TRPM2: variants seen among roughly 807,000 people sequenced by gnomAD.
TRPM2 encodes the protein estrogen-responsive element-associated gene 1 protein.
In TRPM2, 161 loss-of-function variants were observed where a neutral mutation model predicts 174.0. The observed-to-expected ratio is 0.93, with a 90% CI of 0.81 to 1.05. TRPM2 has a LOEUF of 1.05. Ranked by LOEUF, TRPM2 falls within the 50% of genes least tolerant of loss-of-function variation. The pLI is 0.00. For missense variants in TRPM2, 2,057 were observed against 2,038.0 expected, an observed-to-expected ratio of 1.01 and a Z score of -0.18; for synonymous variants, 954 against 861.3, an observed-to-expected ratio of 1.11 and a Z score of -1.88.
chr21:44,406,583 C>G lies in TRPM2; in HGVS notation c.2791-11C>G. On this transcript the variant is annotated splice_polypyrimidine_tract_variant and intron_variant, in intron 18 of 31. Transcript: ENST00000397928. ...CAGGAGAGTGTAGCCCACACACTCT[C>G]TGTCCTGCAGATGAAGGACGTCTTC... 2.5e-6 allele frequency: 4 copies of G among 1,605,684 alleles called. No individual in the cohort carries two copies. The highest frequency in any genetic ancestry group is 2.2e-5 in the South Asian group (2 of 90,726).
chr21:44,371,004 C>T (rs1422159365), intron 5 of TRPM2, among the ~76,000 whole-genome samples: 1 of 152,246 alleles, frequency 6.6e-6, no homozygotes, highest in African/African-American at 2.4e-5. Flanking sequence ...TCTCCCGGGG[C>T]TGCTGTAACC....
At chr21:44,429,832 G>A (rs1196969551) in intron 27 of TRPM2, among the ~76,000 whole-genome samples, 2 of 151,994 alleles carry the variant, frequency 1.3e-5, no homozygotes, top group African/African-American at 2.4e-5. Flanking sequence ...GTGTAATTTA[G>A]AATATTGGTA....
intron 31 of TRPM2, 95 bp from the exon 32 acceptor site, chr21:44,441,597 G>A (rs527720687): frequency 1.4e-6 from 2 of 1,432,496 alleles, no homozygotes; most frequent in African/African-American, 1.4e-5. Context: ...GGGAGGGTGT[G>A]CAGGCCCCAA....
At chr21:44,389,160 C>T (rs1467316410) in intron 9 of TRPM2, among the ~76,000 whole-genome samples, 1 of 152,188 alleles carries the variant, frequency 6.6e-6, no homozygotes, top group Non-Finnish European at 1.5e-5. Context: ...TAGAACTTCA[C>T]GTGAATGAAA....
intron 8 of TRPM2, among the ~76,000 whole-genome samples, chr21:44,382,366 A>G (rs566953157): frequency 6.6e-6 from 1 of 152,272 alleles, no homozygotes; most frequent in Admixed American, 6.5e-5. Flanking sequence ...CAGACAGATA[A>G]ATAAGTAGAC....
chr21:44,436,664 C>T (rs1430967661), intron 28 of TRPM2, among the ~76,000 whole-genome samples: 2 of 147,928 alleles, frequency 1.4e-5, no homozygotes, highest in Middle Eastern at 3.3e-3. Flanking sequence ...CCACATCACC[C>T]CCAGGCTGCA....
chr21:44,399,349 A>G lies in TRPM2; in HGVS notation c.2116A>G (p.Thr706Ala). Residue 706 changes from threonine to alanine, a missense_variant, in exon 14 of 32, where the codon ACC becomes GCC. Transcript: ENST00000397928. This position sits in a 1 kb window ranked among gnomAD's most constrained non-coding sequence, Gnocchi z 4.6. ...CGAAGAGAGAGCCCAGAAACTGCTCACCCGCGTGTCCGAGGCCTGGGGGAA... is the reference window on the plus strand; with the variant it reads ...CGAAGAGAGAGCCCAGAAACTGCTCGCCCGCGTGTCCGAGGCCTGGGGGAA... ...KDEERAQKLLTRVSEAWGKTT... is the reference protein window; with the variant it reads ...KDEERAQKLLARVSEAWGKTT... The G allele has an allele frequency of 1.2e-6, 2 of 1,612,552 alleles. No individual in the cohort carries two copies. Among genetic ancestry groups the G allele is most frequent in the Non-Finnish European group, 8.5e-7 (1 of 1,179,838 alleles).
chr21:44,428,556 A>T (rs1452825093), intron 27 of TRPM2, among the ~76,000 whole-genome samples: 2 of 128,638 alleles, frequency 1.6e-5, no homozygotes, highest in East Asian at 2.4e-4. Context: ...TCCTCCCCTT[A>T]GGTGTGGCTC....
At chr21:44,428,423 C>T (rs910014634) in intron 27 of TRPM2, among the ~76,000 whole-genome samples, 8 of 135,692 alleles carry the variant, frequency 5.9e-5, no homozygotes, top group African/African-American at 2.0e-4. Flanking sequence ...GGCTCCTCCC[C>T]TTAGGTGTGG....
rs779298093 is a variant in TRPM2, at chr21:44,400,260, C to A, written c.2210C>A (p.Ala737Asp). The A allele has an allele frequency of 6.2e-7, 1 of 1,611,786 alleles. No individual in the cohort carries two copies. Residue 737 changes from alanine to aspartate, a missense_variant and splice_region_variant, in exon 15 of 32, where the codon GCC becomes GAC. By Grantham distance (126) the Ala-to-Asp change is moderately radical. Transcript: ENST00000397928. Reference protein sequence around the residue: ...MKFVSHGGIQAFLTKVWWGQL... With the variant: ...MKFVSHGGIQDFLTKVWWGQL... ...TCCTGAGACTGCCCCCATCCGCAGG[C>A]CTTCCTGACCAAGGTGTGGTGGGGC...
chr21:44,401,677 G>C lies in TRPM2; in HGVS notation c.2322-4G>C. ...CTGTCTCCTCTCTGCTGTGACGGCC[G>C]CAGGGAGAAGAGGCTGCAGGATGTG... On this transcript the variant is annotated splice_polypyrimidine_tract_variant and splice_region_variant and intron_variant, in intron 15 of 31. Transcript: ENST00000397928. 6.2e-7 allele frequency: 1 copy of C among 1,611,908 alleles called. No homozygotes were observed. The highest frequency in any genetic ancestry group is 8.5e-7 in the Non-Finnish European group (1 of 1,179,824).
rs918888223 is a variant in TRPM2, at chr21:44,442,275, C to G, written c.*458C>G. 1.3e-5 allele frequency: 2 copies of G among 154,770 alleles called. No individual in the cohort carries two copies. Among genetic ancestry groups the G allele is most frequent in the African/African-American group, 4.8e-5 (2 of 41,564 alleles). The allele number at this position is 154,770 out of a possible 1,614,324, so 9.6% of individuals were successfully genotyped here. A position where few individuals can be genotyped will look rare whatever the true frequency, so the allele number is the denominator to read the frequency against. ...GGCCCTGCCACTCTCCCCAAGAGGG[C>G]CTCCATGTTTCGAGGTGCCTCAACA... On this transcript the variant is annotated 3_prime_UTR_variant, in exon 32 of 32. Coordinates refer to ENST00000397928, the MANE Select transcript of TRPM2 (RefSeq NM_003307.4).
At chr21:44,377,920 C>CT in intron 7 of TRPM2, 147 bp downstream of exon 7, 1 of 975,872 alleles carries the variant, frequency 1.0e-6, no homozygotes, top group Non-Finnish European at 1.5e-6. Flanking sequence ...AGCATCTACG[C>CT]TGTGTCGGGG....
At chr21:44,418,984 C>T (rs1479738259) in intron 22 of TRPM2, among the ~76,000 whole-genome samples, 4 of 152,208 alleles carry the variant, frequency 2.6e-5, no homozygotes, top group African/African-American at 9.7e-5. Context: ...CAGCCATGCT[C>T]AGCACCGTCC....
At chr21:44,424,815 G>A in intron 23 of TRPM2, 37 bp from the exon 24 acceptor site, 1 of 1,471,616 alleles carries the variant, frequency 6.8e-7, no homozygotes, top group East Asian at 2.5e-5. Context: ...GCGTGTGGGT[G>A]GCAGGTGCTC....
rs781462430 is a variant in TRPM2, at chr21:44,406,693, G to T, written c.2890G>T (p.Asp964Tyr). 1 of 1,609,842 alleles carries T rather than the reference G, an allele frequency of 6.2e-7. No homozygotes were observed. Among genetic ancestry groups the T allele is most frequent in the African/African-American group, 1.3e-5 (1 of 74,814 alleles). ...AILIHNERRV[D>Y]WLFRGAVYHS... ...CCTCATCCACAACGAGCGCCGGGTG[G>T]ACTGGCTGTTCCGAGGGGCCGTCTA... The change falls in exon 19 of 32, where the codon GAC becomes TAC. Residue 964 changes from aspartate to tyrosine, a missense_variant. Asp to Tyr is a radical substitution (Grantham distance 160). Coordinates refer to ENST00000397928, the MANE Select transcript of TRPM2 (RefSeq NM_003307.4).
At chr21:44,397,644 C>G in intron 12 of TRPM2, 103 bp from the exon 13 acceptor site, 1 of 1,335,698 alleles carries the variant, frequency 7.5e-7, no homozygotes, top group Non-Finnish European at 9.9e-7. Context: ...GTGGCCCGCA[C>G]TGTCCCCGGG....
intron 2 of TRPM2, among the ~76,000 whole-genome samples, chr21:44,359,719 G>C (rs1354806221): frequency 6.7e-6 from 1 of 149,490 alleles, no homozygotes; most frequent in Admixed American, 6.7e-5. Flanking sequence ...TGTCTCATCT[G>C]TGTATATATA....
rs1311022721 is a variant in TRPM2, at chr21:44,417,984, T to C, written c.3204T>C (p.His1068=). The C allele has an allele frequency of 5.6e-6, 9 of 1,613,104 alleles. No individual in the cohort carries two copies. Among genetic ancestry groups the C allele is most frequent in the Non-Finnish European group, 7.6e-6 (9 of 1,180,016 alleles). ...ACCAGATTTGGAAGTTCCAGCGCCA[T>C]GACCTGATCGAGGAGTACCACGGCC... ...HTDQIWKFQR[H]DLIEEYHGRP... Residue 1068 remains histidine (H), a synonymous_variant, in exon 21 of 32, where the codon CAT becomes CAC. Transcript: ENST00000397928.
Sources: allele counts gnomAD v4.1 joint callset (sites outside exome capture counted in the v4.1 genomes callset), GRCh38; gene constraint gnomAD v4.1.1; non-coding constraint Gnocchi (gnomAD v3.1); transcripts MANE v1.5; gene names NCBI Gene and HGNC (gene_info 2026-07-23, HGNC 2026-07-21).